Variants in FKBP9 observed in about 807,000 individuals in gnomAD.
The protein encoded by FKBP9 is peptidyl-prolyl cis-trans isomerase FKBP9.
A neutral mutation model predicts 55.6 loss-of-function variants in FKBP9; 27 were observed. The ratio of observed to expected loss-of-function variants is 0.49; its 90% CI spans 0.36 to 0.67. The LOEUF (loss-of-function observed/expected upper bound fraction) is 0.67, where lower values mean the gene tolerates loss of function less well. Ranked by LOEUF, FKBP9 falls within the 30% of genes least tolerant of loss-of-function variation. The pLI is 0.00. For synonymous variants in FKBP9, 267 were observed against 296.5 expected (o/e 0.90, Z 1.02); for missense variants, 539 against 742.8 (o/e 0.73, Z 3.19).
chr7:33,002,390 C>T (rs921392028), intron 8 of FKBP9, among the ~76,000 whole-genome samples: 10 of 152,172 alleles, frequency 6.6e-5, no homozygotes, highest in African/African-American at 1.7e-4. Flanking sequence ...GAGTCGGCCT[C>T]CCAAAGTGCT....
chr7:33,005,133 G>A (rs777320885), intron 9 of FKBP9, 42 bp from the exon 10 acceptor site: 1 of 1,597,424 alleles, frequency 6.3e-7, no homozygotes, highest in East Asian at 2.2e-5. Context: ...TGGCGTTCAT[G>A]GCGGCTGAAC....
chr7:32,996,824 G>A (rs1262585766), intron 7 of FKBP9, among the ~76,000 whole-genome samples: 1 of 97,978 alleles, frequency 1.0e-5, no homozygotes, highest in African/African-American at 4.2e-5. Flanking sequence ...GTCTCGCTCT[G>A]TCGCCCAGGC....
At position 32,980,325 on chromosome 7, in the gene FKBP9, C is replaced by G. The variant is rs771057930; in HGVS notation, c.704-39C>G. On this transcript the variant is annotated intron_variant, in intron 4 of 9. Coordinates refer to ENST00000242209, the MANE Select transcript of FKBP9 (RefSeq NM_007270.5). Reference sequence around the variant, plus strand: ...TGAGTTGTAAAGTACTTCCTAAATCCTGTGTCCCGTTTAATCATCTTCTCC... The same window carrying G: ...TGAGTTGTAAAGTACTTCCTAAATCGTGTGTCCCGTTTAATCATCTTCTCC... 4.5e-6 allele frequency: 7 copies of G among 1,563,290 alleles called. No homozygotes were observed. The South Asian group carries it at 6.9e-5, about 15-fold the overall frequency.
chr7:32,975,648 CTTTCTT>C (rs886781205), intron 3 of FKBP9, among the ~76,000 whole-genome samples: 2 of 74,544 alleles, frequency 2.7e-5, no homozygotes, highest in Non-Finnish European at 6.5e-5. Context: ...GGTTCTATTT[CTTTCTT>C]TTTTTTTTTT....
At chr7:32,966,614 C>G (rs1389798911) in intron 1 of FKBP9, among the ~76,000 whole-genome samples, 2 of 152,154 alleles carry the variant, frequency 1.3e-5, no homozygotes, top group Non-Finnish European at 2.9e-5. Context: ...TTGTGATAAG[C>G]CATTCCTGCA....
At chr7:33,000,384 G>C in intron 8 of FKBP9, 124 bp downstream of exon 8, 2 of 1,362,756 alleles carry the variant, frequency 1.5e-6, no homozygotes, top group Non-Finnish European at 2.0e-6. Context: ...AGAGTGTGTG[G>C]TTTCTATTTT....
At chr7:32,958,014 G>A (rs1783940446) in intron 1 of FKBP9, among the ~76,000 whole-genome samples, 1 of 152,226 alleles carries the variant, frequency 6.6e-6, no homozygotes, top group Admixed American at 6.5e-5. Flanking sequence ...TGGACCCTTG[G>A]AGGACCTTGA....
chr7:32,978,270 CAG>C (rs1377892478), intron 4 of FKBP9, among the ~76,000 whole-genome samples: 2 of 151,212 alleles, frequency 1.3e-5, no homozygotes, highest in African/African-American at 4.9e-5. Context: ...GTTTCTTAAA[CAG>C]AGCATTAGGG....
chr7:32,994,174 T>C (rs540937524), intron 6 of FKBP9, among the ~76,000 whole-genome samples: 1 of 152,336 alleles, frequency 6.6e-6, no homozygotes, highest in East Asian at 1.9e-4. Context: ...TACCTCTACC[T>C]AATTCCAGCA....
At chr7:32,965,189 G>A (rs1249883899) in intron 1 of FKBP9, among the ~76,000 whole-genome samples, 3 of 152,026 alleles carry the variant, frequency 2.0e-5, no homozygotes. Flanking sequence ...TCCCAGGCTG[G>A]AGTGCAGTGG....
intron 6 of FKBP9, among the ~76,000 whole-genome samples, chr7:32,990,510 C>A (rs1784659744): frequency 6.6e-6 from 1 of 152,168 alleles, no homozygotes; most frequent in South Asian, 2.1e-4. Context: ...GAAACAAATG[C>A]AGCCATGAAG....
chr7:32,997,463 C>T (rs953794865), intron 7 of FKBP9, among the ~76,000 whole-genome samples: 7 of 152,254 alleles, frequency 4.6e-5, no homozygotes, highest in African/African-American at 1.7e-4. Flanking sequence ...ATGATCCTCC[C>T]CTCTTGGCCT....
At chr7:32,983,027 T>C (rs2127983942) in intron 5 of FKBP9, among the ~76,000 whole-genome samples, 1 of 145,868 alleles carries the variant, frequency 6.9e-6, no homozygotes, top group East Asian at 2.0e-4. Flanking sequence ...TGTGTGTCTA[T>C]GTGTGTGTGT....
At chr7:32,965,256 G>A (rs961811445) in intron 1 of FKBP9, among the ~76,000 whole-genome samples, 2 of 151,890 alleles carry the variant, frequency 1.3e-5, no homozygotes, top group Non-Finnish European at 2.9e-5. Context: ...TCAGCCACCC[G>A]AGTAGCTAGG....
At chr7:32,980,725 C>T (rs569699627) in intron 5 of FKBP9, among the ~76,000 whole-genome samples, 172 bp downstream of exon 5, 7 of 152,060 alleles carry the variant, frequency 4.6e-5, no homozygotes, top group East Asian at 3.9e-4. Context: ...TTCCTTCCTT[C>T]CTTTCTTTCT....
intron 1 of FKBP9, among the ~76,000 whole-genome samples, chr7:32,974,203 G>GA (rs1784312927): frequency 6.6e-6 from 1 of 151,270 alleles, no homozygotes; most frequent in Non-Finnish European, 1.5e-5. Context: ...TAGAGGCGGG[G>GA]GGGCCTCACT....
At chr7:32,984,150 G>A (rs1583858118) in intron 5 of FKBP9, among the ~76,000 whole-genome samples, 1 of 151,546 alleles carries the variant, frequency 6.6e-6, no homozygotes, top group African/African-American at 2.4e-5. Flanking sequence ...ATAAATGTTT[G>A]CCTGTATTTC....
At chr7:32,959,956 G>A (rs1177691826) in intron 1 of FKBP9, among the ~76,000 whole-genome samples, 3 of 152,098 alleles carry the variant, frequency 2.0e-5, no homozygotes, top group Non-Finnish European at 4.4e-5. Context: ...ATACCTAGGA[G>A]TTGGAATTGC....
intron 7 of FKBP9, among the ~76,000 whole-genome samples, 184 bp downstream of exon 7, chr7:32,996,533 C>A (rs1784790723): frequency 6.6e-6 from 1 of 152,066 alleles, no homozygotes; most frequent in Admixed American, 6.5e-5. Context: ...AATGGTCTTG[C>A]CCTGCTGCAG....
Sources: allele counts gnomAD v4.1 joint callset (sites outside exome capture counted in the v4.1 genomes callset), GRCh38; gene constraint gnomAD v4.1.1; transcripts MANE v1.5; gene names NCBI Gene and HGNC (gene_info 2026-07-23, HGNC 2026-07-21).